Variants in MRPL28 observed in about 807,000 individuals in gnomAD.
The protein encoded by MRPL28 is mitochondrial ribosomal protein L28, also known as large ribosomal subunit protein bL28m.
MRPL28 carries 25 observed loss-of-function variants against 26.2 expected under a neutral mutation model. The ratio of observed to expected loss-of-function variants is 0.95; its 90% CI spans 0.69 to 1.33. MRPL28 has a LOEUF of 1.33. MRPL28 is among the 40% of genes most tolerant of loss of function. MRPL28 has a pLI of 0.00. For synonymous variants in MRPL28, 227 were observed against 140.1 expected (o/e 1.62, Z -4.38); for missense variants, 432 against 327.2 (o/e 1.32, Z -2.47).
intron 5 of MRPL28, 121 bp from the exon 6 acceptor site, chr16:367,903 G>C (rs1402839685): frequency 2.6e-6 from 2 of 780,214 alleles, no homozygotes; most frequent in Non-Finnish European, 4.2e-6. Context: ...CTGGAGGGCA[G>C]AGTCCTGTCG....
rs747677835 is a variant in MRPL28 at position 370,054 on chromosome 16, C to T, written c.165G>A (p.Lys55=). The change falls in exon 2 of 6, where the codon AAG becomes AAA. Residue 55 remains lysine (K), a synonymous_variant. Transcript: ENST00000199706. ...CCTCCACACGCTCCCGCTGCCCGTT[C>T]TTGGGGTTGATCTTGAACTTGGCCC... The part of the protein sequence containing the change: ...PHGAKFKINP[K]NGQRERVEDV... The T allele has an allele frequency of 6.2e-7, 1 of 1,613,068 alleles. No homozygotes were observed. The highest frequency in any genetic ancestry group is 8.5e-7 in the Non-Finnish European group (1 of 1,179,780).
intron 5 of MRPL28, among the ~76,000 whole-genome samples, chr16:368,033 C>G (rs910706559): frequency 3.3e-5 from 5 of 152,236 alleles, no homozygotes; most frequent in African/African-American, 7.2e-5. Flanking sequence ...CCATCAGGGG[C>G]TCCCTGTCCT....
chr16:369,025 C>T, intron 3 of MRPL28, 43 bp downstream of exon 3: 1 of 1,596,302 alleles, frequency 6.3e-7, no homozygotes, highest in South Asian at 1.1e-5. Context: ...CTGACTGGCC[C>T]ATCCCAGACC....
At chr16:368,092 C>T (rs146353706) in intron 5 of MRPL28, among the ~76,000 whole-genome samples, 1,985 of 152,332 alleles carry the variant, frequency 0.013, 24 homozygotes, top group Middle Eastern at 0.02. Context: ...GCCGAGCAAA[C>T]CCTCAGTGCA....
Position 368,528 on chromosome 16 carries a change from C to T in MRPL28, c.549G>A (p.Arg183=). 1 of 1,595,118 alleles carries T rather than the reference C, an allele frequency of 6.3e-7. No homozygotes were observed. Among genetic ancestry groups the T allele is most frequent in the Non-Finnish European group, 8.6e-7 (1 of 1,167,988 alleles). ...TGTACTTGTCGTAGATGGCTGCCCGCCGCTCGGGGTCCTCGGGGTGCAGCT... is the reference window on the plus strand; with the variant it reads ...TGTACTTGTCGTAGATGGCTGCCCGTCGCTCGGGGTCCTCGGGGTGCAGCT... ...DPQLHPEDPE[R]RAAIYDKYKE... Residue 183 remains arginine (R), a synonymous_variant, in exon 4 of 6, where the codon CGG becomes CGA. Coordinates refer to ENST00000199706, the MANE Select transcript of MRPL28 (RefSeq NM_006428.5).
rs571836785 is a variant in MRPL28, at chr16:367,068, A to G, written c.*607T>C. Among the ~76,000 whole-genome samples, 27 of 152,230 alleles carry G rather than the reference A, an allele frequency of 1.8e-4. No individual in the cohort carries two copies. The highest frequency in any genetic ancestry group is 3.4e-3 in the Middle Eastern group (1 of 294). ...ACTAAAATACAATTAGCCATACATGATAGCGGGGTGCCTGTAATCCCAGCT... is the reference window on the plus strand; with the variant it reads ...ACTAAAATACAATTAGCCATACATGGTAGCGGGGTGCCTGTAATCCCAGCT... On this transcript the variant is annotated 3_prime_UTR_variant, in exon 6 of 6. Coordinates refer to ENST00000199706, the MANE Select transcript of MRPL28 (RefSeq NM_006428.5).
In MRPL28 at chr16:369,600, G is replaced by T. The variant is rs201396003; in HGVS notation, c.288+331C>A. On this transcript the variant is annotated intron_variant, in intron 2 of 5. Coordinates refer to ENST00000199706, the MANE Select transcript of MRPL28 (RefSeq NM_006428.5). ...GAAGTCCACCACAAGCAGCCTCGAAGCTCTGCTCGCCTCCCCCACCTGCTC... is the reference window on the plus strand; with the variant it reads ...GAAGTCCACCACAAGCAGCCTCGAATCTCTGCTCGCCTCCCCCACCTGCTC... 25 of 716,258 alleles carry T rather than the reference G, an allele frequency of 3.5e-5. No individual in the cohort carries two copies. In the Admixed American group the frequency reaches 5.0e-4, roughly 14 times the overall value. 44.4% of individuals were successfully genotyped at this position (716,258 alleles called of 1,614,324 possible).
chr16:369,997 T>C lies in MRPL28; in HGVS notation c.222A>G (p.Glu74=), dbSNP rs752165992. ...CGCCGCCCCACAACCCCCGCTGGGA[T>C]TCGGGGGGAAAGTAGATGGGAATGG... is the stretch of plus-strand genomic sequence containing the variant. The part of the protein sequence containing the change: ...DVPIPIYFPP[E]SQRGLWGGEG... Residue 74 remains glutamate, a synonymous_variant, in exon 2 of 6, where the codon GAA becomes GAG. Transcript: ENST00000199706. 6.2e-6 allele frequency: 10 copies of C among 1,613,126 alleles called. No individual in the cohort carries two copies. The highest frequency in any genetic ancestry group is 1.7e-5 in the Admixed American group (1 of 60,004).
intron 3 of MRPL28, 169 bp from the exon 4 acceptor site, chr16:368,804 G>T: frequency 8.7e-7 from 1 of 1,151,696 alleles, no homozygotes; most frequent in Non-Finnish European, 1.2e-6. Context: ...CAGCACAGAA[G>T]CAAGTCCAAG....
Position 367,332 on chromosome 16 carries a change from G to T in MRPL28, c.*343C>A. The stretch of plus-strand genomic sequence containing the variant: ...CGAGGTCTCAGGGGCAGCAAGGGCA[G>T]GGGTGACAGGATCAGGATCCCCAAA... On this transcript the variant is annotated 3_prime_UTR_variant, in exon 6 of 6. Coordinates refer to ENST00000199706, the MANE Select transcript of MRPL28 (RefSeq NM_006428.5). 1 of 630,486 alleles carries T rather than the reference G, an allele frequency of 1.6e-6. No homozygotes were observed. Among genetic ancestry groups the T allele is most frequent in the Non-Finnish European group, 3.0e-6 (1 of 337,106 alleles). 39.1% of individuals were successfully genotyped at this position (630,486 alleles called of 1,614,324 possible). A position where few individuals can be genotyped will look rare whatever the true frequency, so the allele number is the denominator to read the frequency against.
chr16:369,780 C>A, intron 2 of MRPL28, 151 bp downstream of exon 2: 1 of 1,037,168 alleles, frequency 9.6e-7, no homozygotes, highest in South Asian at 1.5e-5. Context: ...TGCGGTTCTT[C>A]ACTCAGCGTG....
At position 367,542 on chromosome 16, in the gene MRPL28, G is replaced by T; in HGVS notation, c.*133C>A. 1.2e-6 allele frequency: 1 copy of T among 830,028 alleles called. No individual in the cohort carries two copies. The highest frequency in any genetic ancestry group is 2.0e-6 in the Non-Finnish European group (1 of 496,006). The allele number at this position is 830,028 out of a possible 1,614,324, so 51.4% of individuals were successfully genotyped here. On this transcript the variant is annotated 3_prime_UTR_variant, in exon 6 of 6. Transcript: ENST00000199706. ...CTGGCCCCGGGCTGGAAGGTGCATG[G>T]GCAGCACACGAAACCAGGATCCACC... is the stretch of plus-strand genomic sequence containing the variant.
chr16:367,491 C>T lies in MRPL28; in HGVS notation c.*184G>A. ...GCCTGAGAGGAGCCTCTGGGCGGCCCAGGCCTCCTGGGGATCCCTGCCAAG... is the reference window on the plus strand; with the variant it reads ...GCCTGAGAGGAGCCTCTGGGCGGCCTAGGCCTCCTGGGGATCCCTGCCAAG... On this transcript the variant is annotated 3_prime_UTR_variant, in exon 6 of 6. Transcript: ENST00000199706. 1 of 723,176 alleles carries T rather than the reference C, an allele frequency of 1.4e-6. No individual in the cohort carries two copies. Among genetic ancestry groups the T allele is most frequent in the Non-Finnish European group, 2.5e-6 (1 of 392,762 alleles). 44.8% of individuals were successfully genotyped at this position (723,176 alleles called of 1,614,324 possible).
In MRPL28 at chr16:368,379, C is replaced by T. The variant is rs773560401; in HGVS notation, c.612G>A (p.Val204=). The change falls in exon 5 of 6, where the codon GTG becomes GTA. Residue 204 remains valine (V), a synonymous_variant. Transcript: ENST00000199706. ...CAATGGCCTCCTCCAGCGTGAGGCC[C>T]ACCCACTCTGCCTCCTCCTCTGGGA... ...FAIPEEEAEW[V]GLTLEEAIEK... 3 of 1,613,720 alleles carry T rather than the reference C, an allele frequency of 1.9e-6. No homozygotes were observed. Among genetic ancestry groups the T allele is most frequent in the African/African-American group, 2.7e-5 (2 of 74,928 alleles).
At chr16:370,292 C>G in intron 1 of MRPL28, 67 bp from the exon 2 acceptor site, 1 of 1,434,016 alleles carries the variant, frequency 7.0e-7, no homozygotes, top group Non-Finnish European at 9.2e-7. Flanking sequence ...ACCCCCTACC[C>G]CGGCCCCCGA....
At chr16:368,906 A>T in intron 3 of MRPL28, 162 bp downstream of exon 3, 1 of 1,079,112 alleles carries the variant, frequency 9.3e-7, no homozygotes, top group Non-Finnish European at 1.3e-6. Context: ...AGGAAACCCC[A>T]CTGGTGCTGG....
At position 367,717 on chromosome 16, in the gene MRPL28, C is replaced by A. The variant is rs144088218; in HGVS notation, c.729G>T (p.Leu243=). 2 of 1,613,892 alleles carry A rather than the reference C, an allele frequency of 1.2e-6. No homozygotes were observed. The highest frequency in any genetic ancestry group is 1.7e-6 in the Non-Finnish European group (2 of 1,180,026). Residue 243 remains leucine, a synonymous_variant, in exon 6 of 6, where the codon CTG becomes CTT. Coordinates refer to ENST00000199706, the MANE Select transcript of MRPL28 (RefSeq NM_006428.5). ...ELIQQLQQQA[L]SEPAVVQKRA... is the part of the protein sequence containing the mutation. Reference sequence around the variant, plus strand: ...TCTTCTGCACCACCGCCGGCTCTGACAGTGCCTGCTGCTGCAGCTGCTGGA... The same window carrying A: ...TCTTCTGCACCACCGCCGGCTCTGAAAGTGCCTGCTGCTGCAGCTGCTGGA...
At chr16:368,149 G>A (rs891002556) in intron 5 of MRPL28, among the ~76,000 whole-genome samples, 179 bp downstream of exon 5, 17 of 152,202 alleles carry the variant, frequency 1.1e-4, no homozygotes, top group Non-Finnish European at 2.2e-4. Context: ...ACAGGGTGGG[G>A]ACTTGGAGGG....
chr16:368,594 C>A lies in MRPL28; in HGVS notation c.483G>T (p.Leu161=), dbSNP rs751573443. Residue 161 remains leucine (L), a synonymous_variant, in exon 4 of 6, where the codon CTG becomes CTT. Coordinates refer to ENST00000199706, the MANE Select transcript of MRPL28 (RefSeq NM_006428.5). ...CAAGCCGCAGCAGCATCCCTCGCTT[C>A]AGGTCCATCCCAAACTTGGAGCACA... ...EDLCSKFGMD[L]KRGMLLRLAR... is the part of the protein sequence containing the mutation. 6.3e-7 allele frequency: 1 copy of A among 1,592,338 alleles called. No individual in the cohort carries two copies. Among genetic ancestry groups the A allele is most frequent in the South Asian group, 1.1e-5 (1 of 88,898 alleles).
Sources: allele counts gnomAD v4.1 joint callset (sites outside exome capture counted in the v4.1 genomes callset), GRCh38; gene constraint gnomAD v4.1.1; transcripts MANE v1.5; gene names NCBI Gene and HGNC (gene_info 2026-07-23, HGNC 2026-07-21).